ABTB3: variants seen among roughly 807,000 people sequenced by gnomAD.
ABTB3 encodes ankyrin repeat and BTB domain containing 3.
the ABTB3 span, among the ~76,000 whole-genome samples, chr12:107,395,564 C>T: frequency 6.6e-6 from 1 of 152,176 alleles, no homozygotes; most frequent in Non-Finnish European, 1.5e-5. Flanking sequence ...CCATCTGTTC[C>T]AACCGTGTCC....
the ABTB3 span, among the ~76,000 whole-genome samples, chr12:107,403,708 G>A: frequency 6.6e-6 from 1 of 152,188 alleles, no homozygotes; most frequent in African/African-American, 2.4e-5. Flanking sequence ...ACACTTTGCA[G>A]TCAGGCTTAG....
chr12:107,426,264 T>C, the ABTB3 span, among the ~76,000 whole-genome samples: 1 of 152,050 alleles, frequency 6.6e-6, no homozygotes, highest in African/African-American at 2.4e-5. Context: ...AGGCCCAAGG[T>C]AGATCGATGC....
chr12:107,603,011 A>G, the ABTB3 span, among the ~76,000 whole-genome samples: 7,847 of 152,296 alleles, frequency 0.052, 670 homozygotes, highest in African/African-American at 0.18. Context: ...TTACTGCATC[A>G]TTGAAAGCCA....
chr12:107,384,903 G>A, the ABTB3 span, among the ~76,000 whole-genome samples: 1 of 152,186 alleles, frequency 6.6e-6, no homozygotes, highest in African/African-American at 2.4e-5. Flanking sequence ...GGAATCAGGG[G>A]TTATAACCAG....
At chr12:107,567,610 G>A in the ABTB3 span, among the ~76,000 whole-genome samples, 54 of 152,130 alleles carry the variant, frequency 3.5e-4, no homozygotes, top group East Asian at 9.7e-4. Flanking sequence ...TCCCCGGCCC[G>A]CAGACCAGTA....
chr12:107,367,686 G>T, the ABTB3 span, among the ~76,000 whole-genome samples: 1 of 151,966 alleles, frequency 6.6e-6, no homozygotes, highest in Non-Finnish European at 1.5e-5. Flanking sequence ...TTGTATTTTA[G>T]TAGAGACGGG....
the ABTB3 span, among the ~76,000 whole-genome samples, chr12:107,441,256 T>G: frequency 0.052 from 7,943 of 152,168 alleles, 664 homozygotes; most frequent in African/African-American, 0.18. Context: ...GAGGTACATA[T>G]ACACCATGGA....
At chr12:107,548,951 G>A in the ABTB3 span, among the ~76,000 whole-genome samples, 20,376 of 152,166 alleles carry the variant, frequency 0.13, 1,598 homozygotes, top group East Asian at 0.33. Flanking sequence ...AGCTGGTAAT[G>A]CCTAGGGTAA....
the ABTB3 span, among the ~76,000 whole-genome samples, chr12:107,562,381 A>G: frequency 6.6e-6 from 1 of 152,266 alleles, no homozygotes; most frequent in Admixed American, 6.5e-5. Flanking sequence ...GCATTGGAGC[A>G]GAGATCTAAA....
At chr12:107,637,786 TTGTGTGTGTGTGTGTG>T in the ABTB3 span, among the ~76,000 whole-genome samples, 83 of 144,732 alleles carry the variant, frequency 5.7e-4, no homozygotes, top group Middle Eastern at 3.5e-3. Flanking sequence ...AGCACTGATT[TTGTGTGTGTGTGTGTG>T]TGTGTGTGTG....
At chr12:107,438,801 G>GA in the ABTB3 span, among the ~76,000 whole-genome samples, 31 of 151,446 alleles carry the variant, frequency 2.0e-4, no homozygotes, top group African/African-American at 3.6e-4. Context: ...TATGCTGATG[G>GA]AAAAAAAAAT....
the ABTB3 span, among the ~76,000 whole-genome samples, chr12:107,567,281 A>T: frequency 6.6e-6 from 1 of 152,236 alleles, no homozygotes; most frequent in Non-Finnish European, 1.5e-5. Context: ...TGACCTTTCT[A>T]CAAGTGGAGC....
chr12:107,419,109 C>T, the ABTB3 span, among the ~76,000 whole-genome samples: 178 of 152,314 alleles, frequency 1.2e-3, no homozygotes, highest in Non-Finnish European at 1.2e-3. Context: ...TTGCATACCC[C>T]CAGGGGAGTT....
At chr12:107,449,561 C>T in the ABTB3 span, among the ~76,000 whole-genome samples, 38 of 152,186 alleles carry the variant, frequency 2.5e-4, no homozygotes, top group African/African-American at 8.7e-4. Context: ...AGCAAAATAG[C>T]ATCAACAGTT....
chr12:107,403,338 G>T, the ABTB3 span, among the ~76,000 whole-genome samples: 1 of 152,118 alleles, frequency 6.6e-6, no homozygotes, highest in Non-Finnish European at 1.5e-5. Flanking sequence ...GACACAGACC[G>T]AAAATGTAAT....
At chr12:107,506,251 G>A in the ABTB3 span, among the ~76,000 whole-genome samples, 1 of 152,118 alleles carries the variant, frequency 6.6e-6, no homozygotes, top group Non-Finnish European at 1.5e-5. Flanking sequence ...TGAATAGGTG[G>A]AGGGCTTTCT....
At chr12:107,610,317 C>G in the ABTB3 span, 2 of 1,614,122 alleles carry the variant, frequency 1.2e-6, no homozygotes, top group Non-Finnish European at 1.7e-6. Context: ...GGCAGTGTCT[C>G]TGCTGGGGCC....
the ABTB3 span, among the ~76,000 whole-genome samples, chr12:107,538,793 A>G: frequency 6.6e-6 from 1 of 152,230 alleles, no homozygotes; most frequent in Admixed American, 6.5e-5. Flanking sequence ...CTCCATCAGC[A>G]GAGGCCAACC....
At chr12:107,443,813 G>A in the ABTB3 span, among the ~76,000 whole-genome samples, 8 of 152,256 alleles carry the variant, frequency 5.3e-5, no homozygotes, top group African/African-American at 9.6e-5. Flanking sequence ...GAGCCTGGTC[G>A]GGACACTGGA....
Sources: allele counts gnomAD v4.1 joint callset (sites outside exome capture counted in the v4.1 genomes callset), GRCh38; gene constraint gnomAD v4.1.1; transcripts MANE v1.5; gene names NCBI Gene and HGNC (gene_info 2026-07-23, HGNC 2026-07-21).